The following WDPCP variants were observed in gnomAD, a reference collection of about 807,000 sequenced individuals.
WDPCP encodes WD repeat-containing and planar cell polarity effector protein fritz homolog.
A neutral mutation model predicts 93.1 loss-of-function variants in WDPCP; 71 were observed. The ratio of observed to expected loss-of-function variants is 0.76; its 90% CI spans 0.63 to 0.93. The LOEUF (loss-of-function observed/expected upper bound fraction) is 0.93. WDPCP is among the 40% of genes least tolerant of loss of function. WDPCP has a pLI of 0.00. For missense variants in WDPCP, 844 were observed against 887.4 expected (o/e 0.95, Z 0.62); for synonymous variants, 315 against 315.0 (o/e 1.00, Z 0.00).
At chr2:63,240,472 C>G (rs996205764) in intron 14 of WDPCP, among the ~76,000 whole-genome samples, 2 of 152,172 alleles carry the variant, frequency 1.3e-5, no homozygotes, top group African/African-American at 4.8e-5. Flanking sequence ...ACCACCATGA[C>G]TGGCCCATCC....
intron 3 of WDPCP, among the ~76,000 whole-genome samples, chr2:63,602,465 A>G (rs1443476069): frequency 6.6e-6 from 1 of 151,778 alleles, no homozygotes; most frequent in Non-Finnish European, 1.5e-5. Context: ...ACCTTACATA[A>G]CTACAGAGTA....
At chr2:63,820,844 T>TA (rs1479654410) in intron 1 of WDPCP, among the ~76,000 whole-genome samples, 2 of 151,694 alleles carry the variant, frequency 1.3e-5, no homozygotes, top group Admixed American at 6.6e-5. Flanking sequence ...AACCTTAAAG[T>TA]AAAAAAAACA....
chr2:63,778,803 G>T (rs752316400), intron 2 of WDPCP, among the ~76,000 whole-genome samples: 1 of 152,044 alleles, frequency 6.6e-6, no homozygotes, highest in Non-Finnish European at 1.5e-5. Flanking sequence ...GAGAATCTCC[G>T]CATCCTCTAT....
chr2:63,698,297 T>C (rs1266427828), intron 2 of WDPCP, among the ~76,000 whole-genome samples: 4 of 152,146 alleles, frequency 2.6e-5, no homozygotes, highest in Admixed American at 1.3e-4. Context: ...AATTGTGACC[T>C]TTATGCAAGG....
At chr2:63,824,469 G>A (rs771010081) in intron 1 of WDPCP, among the ~76,000 whole-genome samples, 89 of 131,786 alleles carry the variant, frequency 6.8e-4, no homozygotes, top group Admixed American at 3.4e-3. Flanking sequence ...ATCTGCTTGC[G>A]CCCAGGAGGT....
chr2:63,266,657 T>C (rs924619371), intron 13 of WDPCP, among the ~76,000 whole-genome samples: 1 of 151,914 alleles, frequency 6.6e-6, no homozygotes, highest in African/African-American at 2.4e-5. Context: ...AATACAAAAA[T>C]TAGCTGGGTG....
intron 1 of WDPCP, among the ~76,000 whole-genome samples, chr2:63,516,961 G>A (rs1445636412): frequency 6.6e-6 from 1 of 152,032 alleles, no homozygotes; most frequent in Non-Finnish European, 1.5e-5. Context: ...GAAGGTGGGA[G>A]AAAGAAGTGA....
intron 6 of WDPCP, among the ~76,000 whole-genome samples, chr2:63,453,649 G>C (rs1307508477): frequency 4.6e-5 from 7 of 152,148 alleles, no homozygotes; most frequent in Non-Finnish European, 7.4e-5. Context: ...GCACACGTAT[G>C]TTTATTGTGG....
chr2:63,407,066 T>C (rs1021931524), intron 9 of WDPCP, among the ~76,000 whole-genome samples: 1 of 152,018 alleles, frequency 6.6e-6, no homozygotes, highest in Admixed American at 6.6e-5. Context: ...TAAAAGCATA[T>C]AGATATCCTA....
intron 2 of WDPCP, chr2:63,684,549 C>T: frequency 1.4e-6 from 1 of 712,724 alleles, no homozygotes; most frequent in Middle Eastern, 4.1e-4. Context: ...CACCTAATGC[C>T]CACAAGGTAC....
chr2:63,585,258 A>G (rs1227235261), intron 1 of WDPCP, among the ~76,000 whole-genome samples: 1 of 152,234 alleles, frequency 6.6e-6, no homozygotes, highest in African/African-American at 2.4e-5. Flanking sequence ...GAATGTAATA[A>G]TTATTTTTAA....
intron 3 of WDPCP, among the ~76,000 whole-genome samples, chr2:63,615,879 C>T (rs1457780482): frequency 6.6e-6 from 1 of 152,194 alleles, no homozygotes; most frequent in Admixed American, 6.5e-5. Context: ...TAAGCTTTCT[C>T]GTTTCACCAT....
chr2:63,152,759 T>C (rs576616216), intron 17 of WDPCP, among the ~76,000 whole-genome samples, 155 bp downstream of exon 17: 4 of 152,324 alleles, frequency 2.6e-5, no homozygotes, highest in African/African-American at 9.6e-5. Flanking sequence ...TTTTAGAAGC[T>C]GTTAGTGTAG....
intron 9 of WDPCP, among the ~76,000 whole-genome samples, chr2:63,408,222 CT>C (rs1036171391): frequency 2.6e-5 from 4 of 152,122 alleles, no homozygotes; most frequent in Non-Finnish European, 4.4e-5. Flanking sequence ...AAGCGGACTG[CT>C]CCTGCAGGAC....
intron 11 of WDPCP, among the ~76,000 whole-genome samples, chr2:63,380,858 T>C (rs1182183495): frequency 6.6e-6 from 1 of 152,178 alleles, no homozygotes; most frequent in Non-Finnish European, 1.5e-5. Context: ...ACAGACTTCC[T>C]GGAAAAGCAT....
chr2:63,700,487 G>A (rs1325710908), intron 2 of WDPCP, among the ~76,000 whole-genome samples: 2 of 152,004 alleles, frequency 1.3e-5, no homozygotes, highest in African/African-American at 2.4e-5. Context: ...ATTACAGATG[G>A]ATAACGAAGA....
At chr2:63,411,022 C>G (rs1694984880) in intron 9 of WDPCP, among the ~76,000 whole-genome samples, 1 of 152,140 alleles carries the variant, frequency 6.6e-6, no homozygotes, top group African/African-American at 2.4e-5. Context: ...TGGATTTAAA[C>G]TATACCTTGG....
At chr2:63,811,246 G>A (rs1402571464) in intron 2 of WDPCP, among the ~76,000 whole-genome samples, 3 of 152,336 alleles carry the variant, frequency 2.0e-5, no homozygotes, top group South Asian at 4.1e-4. Context: ...CTCTCTGAGT[G>A]TGGGCAGGAC....
At chr2:63,272,336 T>C (rs1011716206) in intron 13 of WDPCP, among the ~76,000 whole-genome samples, 1 of 152,100 alleles carries the variant, frequency 6.6e-6, no homozygotes, top group Non-Finnish European at 1.5e-5. Context: ...TATAGATACA[T>C]ATTTAGGAAA....
Sources: gnomAD v4.1 joint callset for allele counts (sites outside exome capture counted in the v4.1 genomes callset) on GRCh38, gnomAD v4.1.1 for gene constraint, MANE v1.5 for transcripts, NCBI Gene and HGNC (gene_info 2026-07-23, HGNC 2026-07-21) for gene names.